The following USP7 variants were observed in gnomAD, a reference collection of about 807,000 sequenced individuals.
USP7 encodes the protein ubiquitin C-terminal hydrolase 7.
In USP7, 9 loss-of-function variants were observed where a neutral mutation model predicts 162.9. That is an observed-to-expected ratio of 0.06 (90% CI 0.03 to 0.10). USP7 has a LOEUF of 0.10. USP7 is among the 10% of genes least tolerant of loss of function. The pLI is 1.00. For synonymous variants in USP7, 562 were observed against 475.9 expected, an observed-to-expected ratio of 1.18 and a Z score of -2.35; for missense variants, 715 against 1,373.7, an observed-to-expected ratio of 0.52 and a Z score of 7.58.
chr16:8,932,862 A>C lies in USP7; in HGVS notation c.80-2465T>G, dbSNP rs948091047. Reference sequence around the variant, plus strand: ...TTTTTAAGAAGTAACATGTATATTTAAACTTAAGAATATATTTATGTACTA... The same window carrying C: ...TTTTTAAGAAGTAACATGTATATTTCAACTTAAGAATATATTTATGTACTA... On this transcript the variant is annotated intron_variant, in intron 1 of 30. Transcript: ENST00000344836. 4.6e-5 allele frequency among the ~76,000 whole-genome samples: 7 copies of C among 152,206 alleles called. No individual in the cohort carries two copies. The East Asian group carries it at 1.2e-3, about 25-fold the overall frequency.
chr16:8,936,831 C>T, intron 1 of USP7: 1 of 1,054,902 alleles, frequency 9.5e-7, no homozygotes, highest in Non-Finnish European at 1.2e-6. Context: ...AATGGAAAAA[C>T]TGGTGAAACT....
chr16:8,912,979 G>C (rs1457673141), intron 10 of USP7, among the ~76,000 whole-genome samples: 4 of 152,194 alleles, frequency 2.6e-5, no homozygotes, highest in Non-Finnish European at 5.9e-5. Flanking sequence ...AGAGAAAGGA[G>C]ACTAGGACAT....
intron 1 of USP7, among the ~76,000 whole-genome samples, chr16:8,932,204 C>A (rs900550562): frequency 6.6e-6 from 1 of 152,164 alleles, no homozygotes; most frequent in African/African-American, 2.4e-5. Context: ...ACCACTCAGA[C>A]GTTTAAGACA....
At chr16:8,935,415 T>A (rs1211450757) in intron 1 of USP7, among the ~76,000 whole-genome samples, 1 of 152,186 alleles carries the variant, frequency 6.6e-6, no homozygotes, top group East Asian at 1.9e-4. Flanking sequence ...TTCACCACGT[T>A]GGCCAGGCTG....
chr16:8,893,715 T>G lies in USP7; in HGVS notation c.*283A>C. 2.7e-6 allele frequency: 1 copy of G among 371,298 alleles called. No individual in the cohort carries two copies. The highest frequency in any genetic ancestry group is 2.6e-5 in the South Asian group (1 of 37,798). The allele number at this position is 371,298 out of a possible 1,614,324, so 23.0% of individuals were successfully genotyped here. A position where few individuals can be genotyped will look rare whatever the true frequency, so the allele number is the denominator to read the frequency against. ...CTTGAGCCAGGGACCCCCGATCCACTAACCTCTTCTCCCCCATTGCGCTGA... is the reference window on the plus strand; with the variant it reads ...CTTGAGCCAGGGACCCCCGATCCACGAACCTCTTCTCCCCCATTGCGCTGA... On this transcript the variant is annotated 3_prime_UTR_variant, in exon 31 of 31. Transcript: ENST00000344836.
chr16:8,899,275 T>C lies in USP7; in HGVS notation c.2464-87A>G, dbSNP rs551409135. On this transcript the variant is annotated intron_variant, in intron 22 of 30. Transcript: ENST00000344836. ...ATGCTTAATTACTTAAAATGTGCCA[T>C]GAGCAGCCTGAATTTAAATTCCCTA... The C allele has an allele frequency of 1.5e-5, 20 of 1,304,856 alleles. No homozygotes were observed. In the South Asian group the frequency reaches 2.2e-4, roughly 15 times the overall value. The allele number at this position is 1,304,856 out of a possible 1,614,324, so 80.8% of individuals were successfully genotyped here.
intron 2 of USP7, among the ~76,000 whole-genome samples, chr16:8,926,195 C>T (rs892288169): frequency 1.1e-4 from 16 of 146,360 alleles, no homozygotes; most frequent in Admixed American, 4.8e-4. Flanking sequence ...AACAAAAGGT[C>T]GGCCGGGCGC....
At chr16:8,896,098 C>T (rs1357803577) in intron 26 of USP7, among the ~76,000 whole-genome samples, 3 of 150,972 alleles carry the variant, frequency 2.0e-5, no homozygotes, top group African/African-American at 4.9e-5. Flanking sequence ...CTCGGCCTCC[C>T]GAAGTGCTGG....
chr16:8,898,276 CTT>C (rs1320587599), intron 25 of USP7, 82 bp downstream of exon 25: 1 of 1,156,704 alleles, frequency 8.6e-7, no homozygotes, highest in East Asian at 2.3e-5. Flanking sequence ...TCTGTGGTGT[CTT>C]AGTTTTCAAT....
intron 1 of USP7, among the ~76,000 whole-genome samples, chr16:8,956,135 G>A (rs559895201): frequency 2.6e-5 from 4 of 152,254 alleles, no homozygotes; most frequent in East Asian, 3.9e-4. Context: ...TCCCAATATC[G>A]GGATGTCAGG....
intron 20 of USP7, 38 bp from the exon 21 acceptor site, chr16:8,900,668 T>G (rs1197105111): frequency 6.8e-7 from 1 of 1,480,080 alleles, no homozygotes; most frequent in East Asian, 2.3e-5. Flanking sequence ...ACTGCAAGTT[T>G]GTCTAACGTT....
At chr16:8,961,722 A>G (rs1382059090) in intron 1 of USP7, among the ~76,000 whole-genome samples, 2 of 152,212 alleles carry the variant, frequency 1.3e-5, no homozygotes, top group South Asian at 4.1e-4. Flanking sequence ...GAAACTGAAA[A>G]GCAACCCTCT....
intron 6 of USP7, among the ~76,000 whole-genome samples, chr16:8,918,069 C>G (rs988544910): frequency 6.6e-6 from 1 of 152,130 alleles, no homozygotes; most frequent in African/African-American, 2.4e-5. Flanking sequence ...GAATTACAGG[C>G]ATGAGCCACT....
Position 8,894,082 on chromosome 16 carries a change from A to C in USP7, c.3225T>G (p.Pro1075=), listed in dbSNP as rs772994786. The C allele has an allele frequency of 1.7e-5, 27 of 1,614,090 alleles. No homozygotes were observed. The highest frequency in any genetic ancestry group is 1.7e-4 in the Admixed American group (10 of 60,008). ...PQPGNMSHPR[P]WLGLDHFNKA... is the part of the protein sequence containing the mutation. The stretch of plus-strand genomic sequence containing the variant: ...TGTTGAAGTGGTCGAGCCCTAGCCA[A>C]GGCCGAGGATGAGACATATTACCTG... The change falls in exon 31 of 31, where the codon CCT becomes CCG. Residue 1075 remains proline, a synonymous_variant. Coordinates refer to ENST00000344836, the MANE Select transcript of USP7 (RefSeq NM_003470.3).
At chr16:8,935,020 A>T (rs1369991415) in intron 1 of USP7, among the ~76,000 whole-genome samples, 2 of 152,262 alleles carry the variant, frequency 1.3e-5, no homozygotes, top group East Asian at 3.8e-4. Flanking sequence ...CTAGACTTCT[A>T]GAAATAGCCT....
At chr16:8,895,877 C>T in intron 26 of USP7, 136 bp from the exon 27 acceptor site, 2 of 610,908 alleles carry the variant, frequency 3.3e-6, no homozygotes, top group South Asian at 2.0e-5. Flanking sequence ...CAATCTGTCG[C>T]CCAGGCTGGA....
chr16:8,904,668 C>G lies in USP7; in HGVS notation c.1574-103G>C, dbSNP rs567687326. On this transcript the variant is annotated intron_variant, in intron 14 of 30. Coordinates refer to ENST00000344836, the MANE Select transcript of USP7 (RefSeq NM_003470.3). ...TTAATAAAATAATCTATTAGGCCGG[C>G]GTGGTGGCTTACGCCTGTAATCCCA... The G allele has an allele frequency of 4.6e-6, 7 of 1,509,914 alleles. No individual in the cohort carries two copies. In the South Asian group the frequency reaches 9.1e-5, roughly 20 times the overall value. The allele number at this position is 1,509,914 out of a possible 1,614,324, so 93.5% of individuals were successfully genotyped here.
Position 8,916,636 on chromosome 16 carries a change from C to T in USP7, c.852-80G>A, listed in dbSNP as rs561363601. 2.2e-5 allele frequency: 30 copies of T among 1,355,874 alleles called. No homozygotes were observed. In the South Asian group the frequency reaches 3.6e-4, roughly 16 times the overall value. 84.0% of individuals were successfully genotyped at this position (1,355,874 alleles called of 1,614,324 possible). Reference sequence around the variant, plus strand: ...ATTAAAAGTAACTTAGATTGAAAACCTAAACTGGATAATCAGCTATTATTC... The same window carrying T: ...ATTAAAAGTAACTTAGATTGAAAACTTAAACTGGATAATCAGCTATTATTC... On this transcript the variant is annotated intron_variant, in intron 7 of 30. Coordinates refer to ENST00000344836, the MANE Select transcript of USP7 (RefSeq NM_003470.3).
intron 1 of USP7, among the ~76,000 whole-genome samples, chr16:8,961,407 G>A (rs1474512761): frequency 5.4e-5 from 8 of 148,892 alleles, no homozygotes; most frequent in Admixed American, 2.7e-4. Context: ...CAGGAAAATC[G>A]CTTGAACCCG....
Sources: allele counts gnomAD v4.1 joint callset (sites outside exome capture counted in the v4.1 genomes callset), GRCh38; gene constraint gnomAD v4.1.1; transcripts MANE v1.5; gene names NCBI Gene and HGNC (gene_info 2026-07-23, HGNC 2026-07-21).